The following TDRKH variants were observed in gnomAD, a reference collection of about 807,000 sequenced individuals.
The protein encoded by TDRKH is tudor and KH domain-containing protein.
TDRKH carries 28 observed loss-of-function variants against 61.3 expected under a neutral mutation model. That is an observed-to-expected ratio of 0.46 (90% CI 0.34 to 0.63). The LOEUF is 0.63. Among genes scored for constraint, TDRKH ranks in the 20% least tolerant of loss-of-function variants. The pLI is 0.01. For synonymous variants in TDRKH, 219 were observed against 244.4 expected (o/e 0.90, Z 0.97); for missense variants, 540 against 683.4 (o/e 0.79, Z 2.34).
chr1:151,771,609 G>A (rs1391162187), downstream of TDRKH: 1 of 340,210 alleles, frequency 2.9e-6, no homozygotes, highest in Non-Finnish European at 5.2e-6. Flanking sequence ...AGGTGCTATA[G>A]ATGTGGAGAA....
chr1:151,775,558 T>C lies in TDRKH; in HGVS notation c.1283-15A>G, dbSNP rs754740043. On this transcript the variant is annotated splice_polypyrimidine_tract_variant and intron_variant, in intron 9 of 12. Coordinates refer to ENST00000368824, the MANE Select transcript of TDRKH (RefSeq NM_001083965.2). ...CCACTGGTCACCTGGCAAAAGATTG[T>C]AGGGGTTACTGCTGATAGGGGTGGG... 33 of 1,610,618 alleles carry C rather than the reference T, an allele frequency of 2.0e-5. No individual in the cohort carries two copies. The highest frequency in any genetic ancestry group is 1.7e-4 in the Middle Eastern group (1 of 6,022).
At chr1:151,769,179 A>G (rs1013370679), downstream of TDRKH, among the ~76,000 whole-genome samples, 7 of 151,984 alleles carry the variant, frequency 4.6e-5, no homozygotes, top group African/African-American at 1.4e-4. Context: ...GCTCTTGGGT[A>G]CACCTCCCAG....
At chr1:151,785,705 G>C (rs928992110) in intron 1 of TDRKH, among the ~76,000 whole-genome samples, 4 of 152,130 alleles carry the variant, frequency 2.6e-5, no homozygotes, top group Admixed American at 2.6e-4. Flanking sequence ...AGTGATTTTA[G>C]AAATCCTTCC....
At chr1:151,789,977 G>A (rs1049152382) in intron 1 of TDRKH, among the ~76,000 whole-genome samples, 1 of 152,166 alleles carries the variant, frequency 6.6e-6, no homozygotes, top group Non-Finnish European at 1.5e-5. Flanking sequence ...AAACCCCAAT[G>A]TATTATTCTG....
downstream of TDRKH, chr1:151,768,350 G>C: frequency 7.0e-7 from 1 of 1,421,682 alleles, no homozygotes; most frequent in Non-Finnish European, 9.4e-7. Context: ...CATTCACCTG[G>C]CATGCAGACA....
intron 6 of TDRKH, among the ~76,000 whole-genome samples, chr1:151,778,117 C>T (rs1264072389): frequency 1.3e-5 from 2 of 152,024 alleles, no homozygotes; most frequent in African/African-American, 2.4e-5. Context: ...TCTATTTATA[C>T]CTCCAAGCTC....
At chr1:151,767,468 T>G, downstream of TDRKH, 2 of 1,346,712 alleles carry the variant, frequency 1.5e-6, no homozygotes, top group South Asian at 3.3e-5. Flanking sequence ...CCACAGACTG[T>G]AAAATCAAGG....
chr1:151,782,765 G>A, intron 2 of TDRKH, 134 bp downstream of exon 2: 5 of 1,228,062 alleles, frequency 4.1e-6, no homozygotes, highest in Non-Finnish European at 5.4e-6. Flanking sequence ...GTGAGACCCT[G>A]TCTCAAAAAA....
chr1:151,779,756 G>C (rs981166061), intron 4 of TDRKH, 195 bp downstream of exon 4: 7 of 549,512 alleles, frequency 1.3e-5, no homozygotes, highest in Non-Finnish European at 2.2e-5. Context: ...GTAAGGTTCA[G>C]ATCATACAAC....
intron 3 of TDRKH, among the ~76,000 whole-genome samples, 153 bp downstream of exon 3, chr1:151,781,328 A>AAAAATATATATATATAT (rs1491536697): frequency 1.5e-5 from 1 of 68,600 alleles, no homozygotes; most frequent in Non-Finnish European, 3.4e-5. Context: ...AAAAAAAAAA[A>AAAAATATATATATATAT]ATATATATAT....
rs115658720 is a variant in TDRKH, at chr1:151,773,986, G to C, written c.*466C>G. On this transcript the variant is annotated 3_prime_UTR_variant, in exon 13 of 13. Coordinates refer to ENST00000368824, the MANE Select transcript of TDRKH (RefSeq NM_001083965.2). ...ATGACTGGTAGAGGGGACTGAGCCT[G>C]ACGTTGAACGGCCTGGAAGTAACAC... 5.9e-3 allele frequency: 931 copies of C among 159,058 alleles called. 8 individuals are homozygous for C. Among genetic ancestry groups the C allele is most frequent in the African/African-American group, 0.021 (886 of 41,598 alleles). 9.9% of individuals were successfully genotyped at this position (159,058 alleles called of 1,614,324 possible). A position where few individuals can be genotyped will look rare whatever the true frequency, so the allele number is the denominator to read the frequency against.
chr1:151,782,693 C>T, intron 2 of TDRKH: 1 of 354,374 alleles, frequency 2.8e-6, no homozygotes, highest in Non-Finnish European at 4.7e-6. Flanking sequence ...TTGCTTGAGC[C>T]CAGGAGGTCG....
At chr1:151,776,389 GA>G (rs774789491) in intron 7 of TDRKH, 49 bp downstream of exon 7, 1 of 1,605,430 alleles carries the variant, frequency 6.2e-7, no homozygotes, top group Non-Finnish European at 8.5e-7. Context: ...CAATGAAAAA[GA>G]TATGCCTTCT....
downstream of TDRKH, among the ~76,000 whole-genome samples, chr1:151,770,861 A>T (rs1648665583): frequency 6.6e-6 from 1 of 152,192 alleles, no homozygotes; most frequent in African/African-American, 2.4e-5. Flanking sequence ...TAAATGGAAA[A>T]TTCTATAGAT....
chr1:151,778,573 A>G, intron 6 of TDRKH, 112 bp downstream of exon 6: 6 of 1,574,914 alleles, frequency 3.8e-6, no homozygotes, highest in Non-Finnish European at 5.2e-6. Flanking sequence ...TCCTGACCCC[A>G]GCCATATTAT....
downstream of TDRKH, chr1:151,770,257 G>T: frequency 3.1e-6 from 5 of 1,612,970 alleles, no homozygotes; most frequent in Non-Finnish European, 4.2e-6. Context: ...GAACGACAGA[G>T]GTGGGGATCT....
chr1:151,776,175 C>T lies in TDRKH; in HGVS notation c.1138G>A (p.Glu380Lys), dbSNP rs1475544104. 6.2e-7 allele frequency: 1 copy of T among 1,614,186 alleles called. No homozygotes were observed. Among genetic ancestry groups the T allele is most frequent in the South Asian group, 1.1e-5 (1 of 91,082 alleles). ...WYRARVLGTLENGNLDLYFVD... is the reference protein window; with the variant it reads ...WYRARVLGTLKNGNLDLYFVD... ...AAATAGAGGTCCAAGTTCCCATTCT[C>T]CAAGGTGCCGAGGACCCGGGCTCGA... The change falls in exon 8 of 13, where the codon GAG becomes AAG. Residue 380 changes from glutamate (E) to lysine (K), a missense_variant. Coordinates refer to ENST00000368824, the MANE Select transcript of TDRKH (RefSeq NM_001083965.2).
rs560457803 is a variant in TDRKH at position 151,774,080 on chromosome 1, G to A, written c.*372C>T. On this transcript the variant is annotated 3_prime_UTR_variant, in exon 13 of 13. Transcript: ENST00000368824. Reference sequence around the variant, plus strand: ...GGAATGGGGGAGACACACTTGTAGCGTGGTAGTCCAATTTTTTTGTAGTCT... The same window carrying A: ...GGAATGGGGGAGACACACTTGTAGCATGGTAGTCCAATTTTTTTGTAGTCT... The A allele has an allele frequency of 3.8e-4, 83 of 216,546 alleles. No homozygotes were observed. Among genetic ancestry groups the A allele is most frequent in the Non-Finnish European group, 6.9e-4 (75 of 109,016 alleles). 13.4% of individuals were successfully genotyped at this position (216,546 alleles called of 1,614,324 possible).
intron 1 of TDRKH, among the ~76,000 whole-genome samples, chr1:151,786,747 T>A (rs4845356): frequency 0.79 from 120,310 of 152,154 alleles, 48,402 homozygotes; most frequent in Middle Eastern, 0.91. Context: ...CCTGAGCAAA[T>A]AATAAAACGG....
Sources: allele counts gnomAD v4.1 joint callset (sites outside exome capture counted in the v4.1 genomes callset), GRCh38; gene constraint gnomAD v4.1.1; transcripts MANE v1.5; gene names NCBI Gene and HGNC (gene_info 2026-07-23, HGNC 2026-07-21).